The following DLGAP2 variants were observed in gnomAD, a reference collection of about 807,000 sequenced individuals.
DLGAP2 encodes disks large-associated protein 2.
Under a neutral mutation model 100.3 loss-of-function variants are expected in DLGAP2, and 26 were observed. The ratio of observed to expected loss-of-function variants is 0.26; its 90% CI spans 0.19 to 0.36. The LOEUF is 0.36. Among genes scored for constraint, DLGAP2 ranks in the 10% least tolerant of loss-of-function variants. DLGAP2 has a pLI of 1.00. For missense variants in DLGAP2, 1,858 were observed against 1,453.2 expected, an observed-to-expected ratio of 1.28 and a Z score of -4.53; for synonymous variants, 886 against 630.1, an observed-to-expected ratio of 1.41 and a Z score of -6.08.
intron 2 of DLGAP2, among the ~76,000 whole-genome samples, chr8:1,056,628 C>T (rs764267640): frequency 1.3e-4 from 20 of 152,234 alleles, no homozygotes; most frequent in South Asian, 4.1e-4. Context: ...ACCGGCACAC[C>T]CGTGCCAAAA....
chr8:1,047,342 C>G (rs187321754), intron 2 of DLGAP2, among the ~76,000 whole-genome samples: 1 of 152,138 alleles, frequency 6.6e-6, no homozygotes, highest in African/African-American at 2.4e-5. Context: ...TTTTGGGAAA[C>G]GAAGTCTTTC....
intron 5 of DLGAP2, among the ~76,000 whole-genome samples, chr8:1,550,333 A>G (rs1261387386): frequency 6.6e-6 from 1 of 152,158 alleles, no homozygotes; most frequent in African/African-American, 2.4e-5. Context: ...GACGTTATCT[A>G]CGGGCAGCTC....
intron 8 of DLGAP2, among the ~76,000 whole-genome samples, chr8:1,655,793 T>G (rs1012388817): frequency 2.0e-5 from 3 of 152,060 alleles, no homozygotes; most frequent in Non-Finnish European, 4.4e-5. Context: ...ATGATCAGAG[T>G]CCTCTGCTTC....
chr8:1,601,945 G>GGTGT (rs55762722), intron 6 of DLGAP2, among the ~76,000 whole-genome samples: 9,994 of 146,300 alleles, frequency 0.068, 588 homozygotes, highest in African/African-American at 0.16. Context: ...AATTTAACAG[G>GGTGT]GTGTGTGTGT....
chr8:1,565,395 GC>G (rs1802356111), intron 5 of DLGAP2: 1 of 336,036 alleles, frequency 3.0e-6, no homozygotes, highest in Non-Finnish European at 5.3e-6. Context: ...TTTAGCCAGT[GC>G]TTTGTCCCAG....
intron 2 of DLGAP2, among the ~76,000 whole-genome samples, chr8:977,647 T>C (rs1435907540): frequency 2.0e-5 from 3 of 152,274 alleles, no homozygotes; most frequent in African/African-American, 7.2e-5. Flanking sequence ...TGTCCTTCTT[T>C]GTGAAATATA....
intron 1 of DLGAP2, among the ~76,000 whole-genome samples, chr8:856,352 C>G (rs1023794226): frequency 6.6e-6 from 1 of 151,986 alleles, no homozygotes. Flanking sequence ...CCACGCCTGG[C>G]TAATTTTGTA....
intron 2 of DLGAP2, among the ~76,000 whole-genome samples, chr8:1,189,465 C>G (rs1797588553): frequency 6.6e-6 from 1 of 152,182 alleles, no homozygotes; most frequent in East Asian, 1.9e-4. Context: ...GACGTTTAAA[C>G]CAGACCTTCT....
chr8:1,536,945 A>G (rs1390705562), intron 4 of DLGAP2, among the ~76,000 whole-genome samples: 6 of 151,976 alleles, frequency 3.9e-5, no homozygotes, highest in Non-Finnish European at 7.4e-5. Context: ...ATGGTCTAGG[A>G]TGTTTACCTC....
At chr8:1,468,960 C>T (rs115873431) in intron 3 of DLGAP2, among the ~76,000 whole-genome samples, 1 of 152,194 alleles carries the variant, frequency 6.6e-6, no homozygotes, top group African/African-American at 2.4e-5. Flanking sequence ...TTAGGACCAC[C>T]TTCCCTCTGT....
At chr8:954,018 C>G (rs980923229) in intron 2 of DLGAP2, among the ~76,000 whole-genome samples, 1 of 152,168 alleles carries the variant, frequency 6.6e-6, no homozygotes, top group African/African-American at 2.4e-5. Flanking sequence ...GAGACACCAG[C>G]AAGCAGCTAG....
At position 1,428,182 on chromosome 8, in the gene DLGAP2, A is replaced by G. The variant is rs1297583846; in HGVS notation, c.107-73184A>G. Among the ~76,000 whole-genome samples the G allele has an allele frequency of 5.9e-5, 9 of 152,210 alleles. No individual in the cohort carries two copies. In the East Asian group the frequency reaches 1.5e-3, roughly 26 times the overall value. ...AACAAAATGCTAGTTAGTTAAAAAT[A>G]GACAATCTCTATCAAAACTCACCAA... On this transcript the variant is annotated intron_variant, in intron 3 of 14. Coordinates refer to ENST00000637795, the MANE Select transcript of DLGAP2 (RefSeq NM_001346810.2).
At chr8:1,022,376 G>C (rs1042643233) in intron 2 of DLGAP2, among the ~76,000 whole-genome samples, 4 of 148,972 alleles carry the variant, frequency 2.7e-5, no homozygotes, top group Non-Finnish European at 4.4e-5. Flanking sequence ...CACCCTCCCT[G>C]GGAGTGGACA....
At chr8:845,677 A>T (rs533913826) in intron 1 of DLGAP2, among the ~76,000 whole-genome samples, 22 of 152,266 alleles carry the variant, frequency 1.4e-4, no homozygotes, top group African/African-American at 5.1e-4. Flanking sequence ...GATGATATCC[A>T]GTTTATTTCT....
intron 3 of DLGAP2, among the ~76,000 whole-genome samples, chr8:1,359,200 C>CCT (rs1200948049): frequency 1.3e-5 from 2 of 152,176 alleles, no homozygotes; most frequent in African/African-American, 4.8e-5. Flanking sequence ...GGAGGACAGA[C>CCT]ACCTCCTGGT....
intron 1 of DLGAP2, among the ~76,000 whole-genome samples, chr8:846,116 C>A (rs1450164325): frequency 6.6e-6 from 1 of 152,198 alleles, no homozygotes; most frequent in African/African-American, 2.4e-5. Context: ...TTACCTCAAA[C>A]ATTGACCATT....
At chr8:897,565 C>T (rs574153454) in intron 1 of DLGAP2, among the ~76,000 whole-genome samples, 278 of 152,304 alleles carry the variant, frequency 1.8e-3, no homozygotes, top group Non-Finnish European at 2.9e-3. Context: ...GGTAAGAAGC[C>T]GAGGAGTCAC....
In DLGAP2 at chr8:1,630,904, G is replaced by A. The variant is rs1009183355; in HGVS notation, c.1591-1923G>A. Reference sequence around the variant, plus strand: ...TCTCGGCGGGAGGTCCGGGTGTCCCGAGGGTCTGGGCGGGAGGTCCGGGTG... The same window carrying A: ...TCTCGGCGGGAGGTCCGGGTGTCCCAAGGGTCTGGGCGGGAGGTCCGGGTG... On this transcript the variant is annotated intron_variant, in intron 7 of 14. Coordinates refer to ENST00000637795, the MANE Select transcript of DLGAP2 (RefSeq NM_001346810.2). Among the ~76,000 whole-genome samples, 11 of 138,246 alleles carry A rather than the reference G, an allele frequency of 8.0e-5. No individual in the cohort carries two copies. The East Asian group carries it at 1.2e-3, about 16-fold the overall frequency. 90.7% of individuals were successfully genotyped at this position (138,246 alleles called of 152,430 possible).
At chr8:1,282,899 G>A (rs1255230461) in intron 3 of DLGAP2, among the ~76,000 whole-genome samples, 1 of 136,328 alleles carries the variant, frequency 7.3e-6, no homozygotes, top group Non-Finnish European at 1.6e-5. Flanking sequence ...CGGACGTGGT[G>A]TGACCTGAAC....
Sources: gnomAD v4.1 joint callset for allele counts (sites outside exome capture counted in the v4.1 genomes callset) on GRCh38, gnomAD v4.1.1 for gene constraint, MANE v1.5 for transcripts, NCBI Gene and HGNC (gene_info 2026-07-23, HGNC 2026-07-21) for gene names.